GBE1: variants seen among roughly 807,000 people sequenced by gnomAD.
GBE1 encodes the protein 1,4-alpha-glucan branching enzyme 1.
A neutral mutation model predicts 88.8 loss-of-function variants in GBE1; 70 were observed. That is an observed-to-expected ratio of 0.79 (90% confidence interval 0.65 to 0.96). GBE1 has a LOEUF of 0.96. Ranked by LOEUF, GBE1 falls within the 40% of genes least tolerant of loss-of-function variation. The pLI is 0.00. For missense variants in GBE1, 872 were observed against 871.0 expected (o/e 1.00, Z -0.01); for synonymous variants, 284 against 300.1 (o/e 0.95, Z 0.56).
At chr3:81,754,142 T>A (rs2680246) in intron 1 of GBE1, among the ~76,000 whole-genome samples, 95,925 of 152,042 alleles carry the variant, frequency 0.63, 31,751 homozygotes, top group East Asian at 0.94. Flanking sequence ...TATAAAAATC[T>A]GTATGATTTA....
chr3:81,733,189 T>C lies in GBE1; in HGVS notation c.144-27576A>G, dbSNP rs900103701. Among the ~76,000 whole-genome samples the C allele has an allele frequency of 6.6e-6, 1 of 152,066 alleles. No homozygotes were observed. Among genetic ancestry groups the C allele is most frequent in the South Asian group, 2.1e-4 (1 of 4,818 alleles). On this transcript the variant is annotated intron_variant, in intron 1 of 15. Transcript: ENST00000429644. The surrounding 1 kb of genome is among the most constrained non-coding windows in gnomAD (Gnocchi z 4.0). ...ATAGCAGAATCTAACAGGGTTCACA[T>C]AGAACCCTACTGTGAACTGCACATG...
At chr3:81,655,673 C>T (rs750809219) in intron 3 of GBE1, among the ~76,000 whole-genome samples, 75 of 152,054 alleles carry the variant, frequency 4.9e-4, no homozygotes, top group Non-Finnish European at 2.1e-4. Flanking sequence ...CCTGCCACCA[C>T]GCCCAGATAC....
chr3:81,499,923 C>A (rs1385640550), intron 14 of GBE1, among the ~76,000 whole-genome samples: 1 of 152,098 alleles, frequency 6.6e-6, no homozygotes, highest in Non-Finnish European at 1.5e-5. Context: ...ATTAAATATG[C>A]ATTGGTACCT....
In GBE1 at chr3:81,713,135, A is replaced by T. The variant is rs1441064558; in HGVS notation, c.144-7522T>A. On this transcript the variant is annotated intron_variant, in intron 1 of 15. Transcript: ENST00000429644. ...TGGGAAACAATGTCCAACTCATGACAGGACAGGCCTGAGATAAGCAAGTGT... is the reference window on the plus strand; with the variant it reads ...TGGGAAACAATGTCCAACTCATGACTGGACAGGCCTGAGATAAGCAAGTGT... Among the ~76,000 whole-genome samples, 2 of 152,242 alleles carry T rather than the reference A, an allele frequency of 1.3e-5. 1 individual carries two copies. Among genetic ancestry groups the T allele is most frequent in the Non-Finnish European group, 2.9e-5 (2 of 68,046 alleles).
intron 14 of GBE1, among the ~76,000 whole-genome samples, chr3:81,515,554 A>G (rs1284928564): frequency 6.6e-6 from 1 of 151,472 alleles, no homozygotes; most frequent in Non-Finnish European, 1.5e-5. Context: ...TAACCCTACA[A>G]TAGCCTCTAG....
intron 7 of GBE1, among the ~76,000 whole-genome samples, chr3:81,605,423 T>C (rs1704090604): frequency 6.6e-6 from 1 of 152,166 alleles, no homozygotes; most frequent in Admixed American, 6.6e-5. Context: ...CACCAAAATA[T>C]GGCTACTTAA....
At chr3:81,626,846 G>A (rs774551571) in intron 7 of GBE1, among the ~76,000 whole-genome samples, 3 of 151,704 alleles carry the variant, frequency 2.0e-5, no homozygotes, top group African/African-American at 4.8e-5. Context: ...GATTCAAAAT[G>A]TATATTAGCT....
At chr3:81,553,046 A>T (rs980755976) in intron 12 of GBE1, among the ~76,000 whole-genome samples, 24 of 152,232 alleles carry the variant, frequency 1.6e-4, no homozygotes, top group African/African-American at 5.8e-4. Flanking sequence ...TGTATCTGGC[A>T]CTAAGTACAT....
intron 1 of GBE1, among the ~76,000 whole-genome samples, chr3:81,710,311 T>C (rs1047788194): frequency 1.5e-5 from 2 of 136,510 alleles, no homozygotes; most frequent in African/African-American, 5.5e-5. Context: ...CTCGGCTCAC[T>C]ACAAGCTCCG....
At chr3:81,633,142 ACCTGTTTC>A (rs1704540964) in intron 7 of GBE1, among the ~76,000 whole-genome samples, 1 of 152,120 alleles carries the variant, frequency 6.6e-6, no homozygotes, top group African/African-American at 2.4e-5. Flanking sequence ...AAATATTATT[ACCTGTTTC>A]AATGCTTGTA....
At chr3:81,635,915 A>G (rs1704586164) in intron 7 of GBE1, among the ~76,000 whole-genome samples, 1 of 152,218 alleles carries the variant, frequency 6.6e-6, no homozygotes, top group Non-Finnish European at 1.5e-5. Flanking sequence ...GGTGAATGTT[A>G]TAGGTGAGTA....
intron 2 of GBE1, among the ~76,000 whole-genome samples, chr3:81,692,315 C>A (rs1410313810): frequency 6.6e-6 from 1 of 152,078 alleles, no homozygotes; most frequent in Non-Finnish European, 1.5e-5. Flanking sequence ...GCAATTTGGC[C>A]AACTAATGTG....
At chr3:81,665,798 A>AC (rs1705106389) in intron 3 of GBE1, among the ~76,000 whole-genome samples, 1 of 152,160 alleles carries the variant, frequency 6.6e-6, no homozygotes, top group African/African-American at 2.4e-5. Context: ...CACTTCTATG[A>AC]CCCAAATGCA....
intron 7 of GBE1, among the ~76,000 whole-genome samples, chr3:81,633,283 G>A (rs1704543526): frequency 6.6e-6 from 1 of 152,102 alleles, no homozygotes; most frequent in Admixed American, 6.6e-5. Context: ...GGGGAAGTGT[G>A]TAATGAGCCC....
Position 81,553,067 on chromosome 3 carries a change from A to G in GBE1, c.1619-15972T>C, listed in dbSNP as rs551155826. ...TGGCACTAAGTACATGATTTGAACA[A>G]CATTAACTAGAAATCTATTATGAAT... On this transcript the variant is annotated intron_variant, in intron 12 of 15. Coordinates refer to ENST00000429644, the MANE Select transcript of GBE1 (RefSeq NM_000158.4). Among the ~76,000 whole-genome samples, 10 of 152,370 alleles carry G rather than the reference A, an allele frequency of 6.6e-5. No individual in the cohort carries two copies. In the South Asian group the frequency reaches 2.1e-3, roughly 32 times the overall value.
chr3:81,591,237 C>T (rs1703874087), intron 8 of GBE1, 73 bp from the exon 9 acceptor site: 1 of 1,158,998 alleles, frequency 8.6e-7, no homozygotes, highest in Non-Finnish European at 1.2e-6. Context: ...ATACATTCAC[C>T]AATTAGTTTG....
chr3:81,629,892 G>T (rs1704482163), intron 7 of GBE1, among the ~76,000 whole-genome samples: 2 of 137,244 alleles, frequency 1.5e-5, no homozygotes, highest in South Asian at 2.5e-4. Flanking sequence ...ACAGTCCCCG[G>T]TGTGTGATCT....
chr3:81,531,479 G>T (rs1360934070), intron 14 of GBE1, among the ~76,000 whole-genome samples: 1 of 151,952 alleles, frequency 6.6e-6, no homozygotes, highest in African/African-American at 2.4e-5. Flanking sequence ...AAGGCCTGTG[G>T]CAATTGCTAC....
At chr3:81,547,751 A>AG (rs1177250888) in intron 12 of GBE1, among the ~76,000 whole-genome samples, 2 of 150,998 alleles carry the variant, frequency 1.3e-5, no homozygotes, top group East Asian at 3.9e-4. Flanking sequence ...ATGGGAAAAA[A>AG]GGATCTGTGA....
Sources: gnomAD v4.1 joint callset for allele counts (sites outside exome capture counted in the v4.1 genomes callset) on GRCh38, gnomAD v4.1.1 for gene constraint, Gnocchi (gnomAD v3.1) non-coding constraint, MANE v1.5 for transcripts, NCBI Gene and HGNC (gene_info 2026-07-23, HGNC 2026-07-21) for gene names.